JAKMIP2: variants seen among roughly 807,000 people sequenced by gnomAD.
The protein encoded by JAKMIP2 is janus kinase and microtubule-interacting protein 2.
In JAKMIP2, 25 loss-of-function variants were observed where a neutral mutation model predicts 115.0. The ratio of observed to expected loss-of-function variants is 0.22; its 90% CI spans 0.16 to 0.30. The LOEUF is 0.30. JAKMIP2 is among the 10% of genes least tolerant of loss of function. The pLI is 1.00. For synonymous variants in JAKMIP2, 334 were observed against 343.6 expected (o/e 0.97, Z 0.31); for missense variants, 642 against 957.6 (o/e 0.67, Z 4.35).
At chr5:147,688,068 G>C (rs1295544650) in intron 1 of JAKMIP2, among the ~76,000 whole-genome samples, 1 of 152,132 alleles carries the variant, frequency 6.6e-6, no homozygotes, top group Non-Finnish European at 1.5e-5. Flanking sequence ...CTTAGGACCA[G>C]AAACACAACA....
intron 1 of JAKMIP2, among the ~76,000 whole-genome samples, chr5:147,690,679 G>A (rs1433230191): frequency 6.6e-6 from 1 of 151,490 alleles, no homozygotes; most frequent in African/African-American, 2.4e-5. Context: ...CCATCTCACT[G>A]AGGGATCAAA....
At chr5:147,592,929 A>G (rs891512265) in intron 21 of JAKMIP2, among the ~76,000 whole-genome samples, 4 of 152,198 alleles carry the variant, frequency 2.6e-5, no homozygotes, top group Non-Finnish European at 5.9e-5. Flanking sequence ...GGGATGGAAG[A>G]GTGACAGAGT....
At chr5:147,640,586 T>C (rs1757835414) in intron 9 of JAKMIP2, 118 bp downstream of exon 9, 2 of 1,016,044 alleles carry the variant, frequency 2.0e-6, no homozygotes, top group South Asian at 1.7e-5. Flanking sequence ...TTTACTATTA[T>C]GAGATCACTT....
intron 1 of JAKMIP2, among the ~76,000 whole-genome samples, chr5:147,705,839 A>T (rs959958854): frequency 6.6e-6 from 1 of 152,202 alleles, no homozygotes; most frequent in East Asian, 1.9e-4. Flanking sequence ...TATGTATAAG[A>T]TGAATAATGT....
intron 4 of JAKMIP2, among the ~76,000 whole-genome samples, chr5:147,650,108 T>G (rs2126745501): frequency 6.6e-6 from 1 of 152,340 alleles, no homozygotes; most frequent in East Asian, 1.9e-4. Flanking sequence ...AGAAAAATTC[T>G]AGGAAGGATT....
chr5:147,710,623 T>G (rs1018414581), intron 1 of JAKMIP2, among the ~76,000 whole-genome samples: 3 of 152,164 alleles, frequency 2.0e-5, no homozygotes, highest in Non-Finnish European at 4.4e-5. Context: ...TGAGGTCCAT[T>G]AAGATAATAT....
chr5:147,721,486 C>A (rs1753287001), intron 1 of JAKMIP2, among the ~76,000 whole-genome samples: 1 of 152,162 alleles, frequency 6.6e-6, no homozygotes, highest in Non-Finnish European at 1.5e-5. Context: ...GACTGCTGTG[C>A]TAGCAATCAG....
chr5:147,640,862 A>G (rs1757848703), intron 8 of JAKMIP2, 39 bp from the exon 9 acceptor site: 2 of 1,594,848 alleles, frequency 1.3e-6, no homozygotes, highest in African/African-American at 1.3e-5. Context: ...GACATAGCTA[A>G]CAGTAGGGAA....
chr5:147,695,747 C>T (rs1413177623), intron 1 of JAKMIP2, among the ~76,000 whole-genome samples: 3 of 151,154 alleles, frequency 2.0e-5, no homozygotes, highest in South Asian at 2.1e-4. Flanking sequence ...GAAACTTTTC[C>T]CCCTCATTTA....
At chr5:147,738,583 C>T (rs1754014114) in intron 1 of JAKMIP2, among the ~76,000 whole-genome samples, 1 of 152,058 alleles carries the variant, frequency 6.6e-6, no homozygotes, top group African/African-American at 2.4e-5. Flanking sequence ...ACTGCAATTG[C>T]AGATAATAAG....
chr5:147,612,342 G>T lies in JAKMIP2; in HGVS notation c.2376C>A (p.Asp792Glu), dbSNP rs1464850150. 1 of 1,563,844 alleles carries T rather than the reference G, an allele frequency of 6.4e-7. No homozygotes were observed. The highest frequency in any genetic ancestry group is 8.8e-7 in the Non-Finnish European group (1 of 1,139,250). The change falls in exon 20 of 22, where the codon GAC (aspartate) becomes GAA (glutamate). Residue 792 changes from aspartate to glutamate, a missense_variant. Around this residue, in one of 6 missense-constraint regions of JAKMIP2, gnomAD observed 26 missense variants for 50.5 expected, o/e 0.51. Transcript: ENST00000616793. The stretch of plus-strand genomic sequence containing the variant: ...AGTCTTTTATTTGTCTTTTCTGGAT[G>T]TCTGTTTTATCTTCTAAGTCACGAA... ...QRIRDLEDKT[D>E]IQKRQIKDLE... is the part of the protein sequence containing the mutation.
At chr5:147,737,428 T>C (rs1405949072) in intron 1 of JAKMIP2, among the ~76,000 whole-genome samples, 1 of 152,198 alleles carries the variant, frequency 6.6e-6, no homozygotes, top group South Asian at 2.1e-4. Context: ...ATGATATAAA[T>C]TTAGAATTGA....
chr5:147,734,157 C>T (rs1753832695), intron 1 of JAKMIP2, among the ~76,000 whole-genome samples: 1 of 152,012 alleles, frequency 6.6e-6, no homozygotes, highest in Non-Finnish European at 1.5e-5. Flanking sequence ...TGAAAAAAAG[C>T]TCATTATCAC....
chr5:147,690,081 G>A (rs1465944577), intron 1 of JAKMIP2, among the ~76,000 whole-genome samples: 1 of 152,160 alleles, frequency 6.6e-6, no homozygotes, highest in Non-Finnish European at 1.5e-5. Flanking sequence ...TGGACACAGT[G>A]GCTCACACCA....
At chr5:147,609,511 C>T (rs1337349381) in intron 20 of JAKMIP2, among the ~76,000 whole-genome samples, 2 of 152,196 alleles carry the variant, frequency 1.3e-5, no homozygotes, top group Admixed American at 6.5e-5. Context: ...CCCCTACTCT[C>T]TTCTGGCTTG....
chr5:147,635,177 CAA>C, intron 12 of JAKMIP2, among the ~76,000 whole-genome samples: 1 of 144,846 alleles, frequency 6.9e-6, no homozygotes, highest in Admixed American at 6.8e-5. Flanking sequence ...AACTCCGTCT[CAA>C]AAAAAAAAAT....
chr5:147,755,288 T>C (rs773126115), intron 1 of JAKMIP2, among the ~76,000 whole-genome samples: 16 of 152,164 alleles, frequency 1.1e-4, no homozygotes, highest in Non-Finnish European at 1.9e-4. Flanking sequence ...TGAACCAATG[T>C]ATATCTTATA....
intron 1 of JAKMIP2, among the ~76,000 whole-genome samples, chr5:147,721,541 T>C (rs1035970998): frequency 6.6e-6 from 1 of 152,128 alleles, no homozygotes; most frequent in African/African-American, 2.4e-5. Context: ...GTGCGGGGTA[T>C]AATCTCGTGG....
At chr5:147,660,836 G>T in intron 3 of JAKMIP2, 112 bp downstream of exon 3, 1 of 1,206,782 alleles carries the variant, frequency 8.3e-7, no homozygotes, top group South Asian at 1.4e-5. Flanking sequence ...CAAAAGGTAG[G>T]CACTGTTTAC....
Sources: allele counts gnomAD v4.1 joint callset (sites outside exome capture counted in the v4.1 genomes callset), GRCh38; gene constraint gnomAD v4.1.1; regional missense constraint gnomAD v4.1.1; transcripts MANE v1.5; gene names NCBI Gene and HGNC (gene_info 2026-07-23, HGNC 2026-07-21).